The following SMARCA2 variants were observed in gnomAD, a reference collection of about 807,000 sequenced individuals.
SMARCA2 encodes the protein SWI/SNF related BAF chromatin remodeling complex subunit ATPase 2.
In SMARCA2, 61 loss-of-function variants were observed where a neutral mutation model predicts 199.8. That is an observed-to-expected ratio of 0.31 (90% CI 0.25 to 0.38). The LOEUF is 0.38. Among genes scored for constraint, SMARCA2 ranks in the 10% least tolerant of loss-of-function variants. The pLI is 1.00. For synonymous variants in SMARCA2, 935 were observed against 732.0 expected (o/e 1.28, Z -4.48); for missense variants, 1,344 against 2,012.2 (o/e 0.67, Z 6.35).
At chr9:2,158,181 AAAAG>A (rs1825475946) in intron 27 of SMARCA2, 1 of 225,786 alleles carries the variant, frequency 4.4e-6, no homozygotes. Context: ...AAAAAAAAAA[AAAAG>A]GTTGCCATCC....
chr9:2,184,536 G>C (rs1365699796), intron 31 of SMARCA2, among the ~76,000 whole-genome samples: 1 of 151,430 alleles, frequency 6.6e-6, no homozygotes, highest in African/African-American at 2.4e-5. Flanking sequence ...ATTTTTTTTA[G>C]TAGAGATGGG....
At chr9:2,184,726 T>G (rs542332455) in intron 31 of SMARCA2, among the ~76,000 whole-genome samples, 83 of 152,232 alleles carry the variant, frequency 5.5e-4, no homozygotes, top group Middle Eastern at 6.8e-3. Context: ...TGCCTCCTCA[T>G]CTTTCTCATT....
Position 2,119,551 on chromosome 9 carries a change from AT to A in SMARCA2, c.3762+17del. 2 of 1,555,652 alleles carry A rather than the reference AT, an allele frequency of 1.3e-6. No homozygotes were observed. Among genetic ancestry groups the A allele is most frequent in the African/African-American group, 1.4e-5 (1 of 73,852 alleles). ...CCTTTTTATGGTAATGTTACAGAAA[AT>A]CATGAACACAAATGCTTTATACCTC... On this transcript the variant is annotated intron_variant, in intron 26 of 33. Transcript: ENST00000349721. This position sits in a 1 kb window ranked among gnomAD's most constrained non-coding sequence, Gnocchi z 4.6.
At chr9:2,060,043 A>C (rs1820515108) in intron 8 of SMARCA2, among the ~76,000 whole-genome samples, 1 of 145,928 alleles carries the variant, frequency 6.9e-6, no homozygotes, top group Non-Finnish European at 1.5e-5. Flanking sequence ...TTTATTGCTC[A>C]GCAGTACCAG....
chr9:2,140,402 C>T (rs545374821), intron 27 of SMARCA2, among the ~76,000 whole-genome samples: 46 of 152,262 alleles, frequency 3.0e-4, no homozygotes, highest in African/African-American at 1.1e-3. Context: ...AGGGAGATCA[C>T]CAAAATGAAC....
At chr9:2,098,734 G>A (rs895449263) in intron 21 of SMARCA2, among the ~76,000 whole-genome samples, 36 of 152,092 alleles carry the variant, frequency 2.4e-4, no homozygotes, top group Non-Finnish European at 4.1e-4. Flanking sequence ...TCAGGAGTTC[G>A]AGACCAGCCT....
intron 19 of SMARCA2, among the ~76,000 whole-genome samples, chr9:2,092,740 T>G (rs1822111698): frequency 6.6e-6 from 1 of 152,228 alleles, no homozygotes; most frequent in Admixed American, 6.5e-5. Context: ...ACCTCAGTTT[T>G]ACATATGATT....
Position 2,147,391 on chromosome 9 carries a change from A to T in SMARCA2, c.3982-14295A>T, listed in dbSNP as rs767604340. ...CATTAGGGTGAGAAAATAATATGTCACTTATATGTACATGTAATTTTTAAT... is the reference window on the plus strand; with the variant it reads ...CATTAGGGTGAGAAAATAATATGTCTCTTATATGTACATGTAATTTTTAAT... On this transcript the variant is annotated intron_variant, in intron 27 of 33. Transcript: ENST00000349721. Among the ~76,000 whole-genome samples, 115 of 152,164 alleles carry T rather than the reference A, an allele frequency of 7.6e-4. 2 individuals are homozygous for T. Among genetic ancestry groups the T allele is most frequent in the Non-Finnish European group, 2.5e-4 (17 of 68,036 alleles).
intron 24 of SMARCA2, among the ~76,000 whole-genome samples, chr9:2,114,078 A>G (rs947228135): frequency 2.0e-5 from 3 of 152,214 alleles, no homozygotes; most frequent in African/African-American, 7.2e-5. Context: ...GAAAAGCCTC[A>G]TGACACAGAC....
At chr9:2,053,623 A>G (rs1017005146) in intron 5 of SMARCA2, among the ~76,000 whole-genome samples, 2 of 152,258 alleles carry the variant, frequency 1.3e-5, no homozygotes, top group African/African-American at 4.8e-5. Flanking sequence ...TGCTGTTAAT[A>G]TTAGCCTACT....
At position 2,115,089 on chromosome 9, in the gene SMARCA2, G is replaced by A. The variant is rs1046615166; in HGVS notation, c.3457-733G>A. On this transcript the variant is annotated intron_variant, in intron 24 of 33. Transcript: ENST00000349721. This position sits in a 1 kb window ranked among gnomAD's most constrained non-coding sequence, Gnocchi z 6.0. Reference sequence around the variant, plus strand: ...AGAGAGAGTAAATTATTCTGAGAAGGTACATCCTTATTTCTAAATCTTTGT... The same window carrying A: ...AGAGAGAGTAAATTATTCTGAGAAGATACATCCTTATTTCTAAATCTTTGT... Among the ~76,000 whole-genome samples the A allele has an allele frequency of 6.6e-6, 1 of 151,788 alleles. No individual in the cohort carries two copies. Among genetic ancestry groups the A allele is most frequent in the Admixed American group, 6.6e-5 (1 of 15,230 alleles).
At chr9:2,049,586 G>A (rs1820028873) in intron 5 of SMARCA2, among the ~76,000 whole-genome samples, 1 of 152,190 alleles carries the variant, frequency 6.6e-6, no homozygotes, top group East Asian at 1.9e-4. Context: ...ATCCAGAAAG[G>A]TCATGGGTCC....
chr9:2,073,039 C>T, intron 10 of SMARCA2, 173 bp from the exon 11 acceptor site: 2 of 669,106 alleles, frequency 3.0e-6, no homozygotes, highest in Middle Eastern at 4.1e-4. Context: ...TTTTCAGTTT[C>T]TTTAGTGGGA....
intron 12 of SMARCA2, among the ~76,000 whole-genome samples, chr9:2,074,582 C>T (rs1047734315): frequency 2.0e-5 from 3 of 152,166 alleles, no homozygotes; most frequent in Non-Finnish European, 4.4e-5. Context: ...AAAAAGCAAA[C>T]ATGGTTGGGC....
At position 2,144,830 on chromosome 9, in the gene SMARCA2, C is replaced by T. The variant is rs1211157670; in HGVS notation, c.3982-16856C>T. Among the ~76,000 whole-genome samples, 6 of 151,874 alleles carry T rather than the reference C, an allele frequency of 4.0e-5. 1 individual carries two copies. The highest frequency in any genetic ancestry group is 3.3e-4 in the Admixed American group (5 of 15,252). On this transcript the variant is annotated intron_variant, in intron 27 of 33. Coordinates refer to ENST00000349721, the MANE Select transcript of SMARCA2 (RefSeq NM_003070.5). ...ACAACTCATCTCACCTGTTGCTGATCACAACTCATCTCACCTGTTGCTGCT... is the reference window on the plus strand; with the variant it reads ...ACAACTCATCTCACCTGTTGCTGATTACAACTCATCTCACCTGTTGCTGCT...
intron 32 of SMARCA2, among the ~76,000 whole-genome samples, chr9:2,189,373 T>A (rs1055624292): frequency 4.6e-5 from 7 of 152,108 alleles, no homozygotes; most frequent in African/African-American, 1.7e-4. Flanking sequence ...CTGACAGCAT[T>A]AGAGTGCGCC....
At chr9:2,168,567 T>C (rs1394497882) in intron 28 of SMARCA2, among the ~76,000 whole-genome samples, 1 of 152,194 alleles carries the variant, frequency 6.6e-6, no homozygotes, top group Admixed American at 6.5e-5. Flanking sequence ...TTGAAGTGCG[T>C]TAGGTATTTA....
intron 28 of SMARCA2, among the ~76,000 whole-genome samples, chr9:2,167,619 C>T (rs1476931005): frequency 6.6e-6 from 1 of 152,220 alleles, no homozygotes; most frequent in East Asian, 1.9e-4. Flanking sequence ...TGCTGTCTTC[C>T]CCTAGCTGGG....
At chr9:2,064,582 A>G (rs932523917) in intron 9 of SMARCA2, among the ~76,000 whole-genome samples, 5 of 152,196 alleles carry the variant, frequency 3.3e-5, no homozygotes, top group African/African-American at 1.2e-4. Context: ...ATCAATAATA[A>G]TTGGTCACCA....
Sources: gnomAD v4.1 joint callset for allele counts (sites outside exome capture counted in the v4.1 genomes callset) on GRCh38, gnomAD v4.1.1 for gene constraint, Gnocchi (gnomAD v3.1) non-coding constraint, MANE v1.5 for transcripts, NCBI Gene and HGNC (gene_info 2026-07-23, HGNC 2026-07-21) for gene names.